PPP4R4: variants seen among roughly 807,000 people sequenced by gnomAD.
PPP4R4 encodes protein phosphatase 4 regulatory subunit 4.
Under a neutral mutation model 121.8 loss-of-function variants are expected in PPP4R4, and 70 were observed. The ratio of observed to expected loss-of-function variants is 0.57; its 90% CI spans 0.47 to 0.70. The LOEUF is 0.70. Ranked by LOEUF, PPP4R4 falls within the 30% of genes least tolerant of loss-of-function variation. The pLI is 0.00. For synonymous variants in PPP4R4, 348 were observed against 355.7 expected, an observed-to-expected ratio of 0.98 and a Z score of 0.24; for missense variants, 875 against 1,033.6, an observed-to-expected ratio of 0.85 and a Z score of 2.10.
chr14:94,269,054 A>T lies in PPP4R4; in HGVS notation c.2449+2025A>T, dbSNP rs560680180. ...AAAAAGGTGCTTATTATTGTTATTC[A>T]TTACTTAAAATAGAAACTGAAAATA... is the stretch of plus-strand genomic sequence containing the variant. On this transcript the variant is annotated intron_variant, in intron 23 of 24. Coordinates refer to ENST00000304338, the MANE Select transcript of PPP4R4 (RefSeq NM_058237.2). Among the ~76,000 whole-genome samples the T allele has an allele frequency of 8.5e-5, 13 of 152,320 alleles. No homozygotes were observed. In the East Asian group the frequency reaches 2.1e-3, roughly 25 times the overall value.
intron 12 of PPP4R4, 90 bp from the exon 13 acceptor site, chr14:94,245,497 C>A (rs1478260741): frequency 2.4e-5 from 14 of 577,804 alleles, no homozygotes; most frequent in South Asian, 1.0e-4. Context: ...AAAAAAAAAA[C>A]CACTACTACT....
At chr14:94,237,482 A>G (rs181670323) in intron 7 of PPP4R4, 83 bp from the exon 8 acceptor site, 4 of 1,321,346 alleles carry the variant, frequency 3.0e-6, no homozygotes, top group Non-Finnish European at 2.1e-6. Flanking sequence ...TTCTGCAGCA[A>G]CTAGCCCAGT....
intron 2 of PPP4R4, 39 bp from the exon 3 acceptor site, chr14:94,208,425 T>C (rs1306241583): frequency 6.8e-7 from 1 of 1,465,840 alleles, no homozygotes; most frequent in East Asian, 2.3e-5. Flanking sequence ...GGAATTCAGC[T>C]TATAATTATA....
At position 94,266,824 on chromosome 14, in the gene PPP4R4, G is replaced by C. The variant is rs989590004; in HGVS notation, c.2379-135G>C. 6.5e-6 allele frequency: 4 copies of C among 613,768 alleles called. No individual in the cohort carries two copies. The African/African-American group carries it at 7.7e-5, about 12-fold the overall frequency. 38.0% of individuals were successfully genotyped at this position (613,768 alleles called of 1,614,324 possible). On this transcript the variant is annotated intron_variant, in intron 22 of 24. Coordinates refer to ENST00000304338, the MANE Select transcript of PPP4R4 (RefSeq NM_058237.2). ...TGTGAGGCATGAATATAAAAAAAAT[G>C]AGAAATAAAAGCAACAAACGTTTCA...
At position 94,174,331 on chromosome 14, in the gene PPP4R4, G is replaced by T; in HGVS notation, c.-135G>T. On this transcript the variant is annotated 5_prime_UTR_variant, in exon 1 of 25. Coordinates refer to ENST00000304338, the MANE Select transcript of PPP4R4 (RefSeq NM_058237.2). ...CTCGCCGGGCCGTGCTCTTGCTCCC[G>T]CCGCCTGGCAGCCTCACGCTCGGCT... The T allele has an allele frequency of 5.2e-6, 4 of 767,014 alleles. No homozygotes were observed. The highest frequency in any genetic ancestry group is 1.8e-5 in the African/African-American group (1 of 54,200). 47.5% of individuals were successfully genotyped at this position (767,014 alleles called of 1,614,324 possible).
At chr14:94,193,884 G>A (rs572508107) in intron 2 of PPP4R4, among the ~76,000 whole-genome samples, 14 of 152,286 alleles carry the variant, frequency 9.2e-5, no homozygotes, top group African/African-American at 3.4e-4. Context: ...CCTTTACCGT[G>A]TGCTGCTTTG....
intron 2 of PPP4R4, among the ~76,000 whole-genome samples, chr14:94,194,568 G>A (rs1889768560): frequency 6.6e-6 from 1 of 152,090 alleles, no homozygotes; most frequent in South Asian, 2.1e-4. Flanking sequence ...ATTTTTTTGG[G>A]TTTCTTCTAG....
At chr14:94,203,130 C>T (rs1890281245) in intron 2 of PPP4R4, among the ~76,000 whole-genome samples, 1 of 152,164 alleles carries the variant, frequency 6.6e-6, no homozygotes, top group African/African-American at 2.4e-5. Context: ...AATCAGGATA[C>T]ATAAGATTTC....
intron 23 of PPP4R4, among the ~76,000 whole-genome samples, chr14:94,269,537 C>T (rs1182054439): frequency 6.6e-6 from 1 of 151,546 alleles, no homozygotes; most frequent in Non-Finnish European, 1.5e-5. Flanking sequence ...AAAATTTAGT[C>T]GGGCGTGGCG....
chr14:94,256,143 C>T (rs1397319043), intron 16 of PPP4R4, among the ~76,000 whole-genome samples: 2 of 152,186 alleles, frequency 1.3e-5, no homozygotes, highest in African/African-American at 4.8e-5. Context: ...GCCCCTGGTA[C>T]TCCCTTGTCT....
rs774479765 is a variant in PPP4R4, at chr14:94,275,441, G to C, written c.2517G>C (p.Pro839=). The change falls in exon 24 of 25, where the codon CCG becomes CCC. Residue 839 remains proline, a synonymous_variant. Coordinates refer to ENST00000304338, the MANE Select transcript of PPP4R4 (RefSeq NM_058237.2). ...CCTTTTCTCCTAATACTCCCTTACC[G>C]AGTACTTCCCGTGGGACAGGTAACT... The part of the protein sequence containing the change: ...PSSFSPNTPL[P]STSRGTGNSV... 3.1e-6 allele frequency: 5 copies of C among 1,613,790 alleles called. No individual in the cohort carries two copies. The highest frequency in any genetic ancestry group is 4.2e-6 in the Non-Finnish European group (5 of 1,179,894).
chr14:94,186,231 T>C (rs966016902), intron 2 of PPP4R4, among the ~76,000 whole-genome samples: 12 of 152,218 alleles, frequency 7.9e-5, no homozygotes, highest in Admixed American at 2.0e-4. Context: ...TCCCAAACAC[T>C]ACTTGTGTGC....
intron 16 of PPP4R4, among the ~76,000 whole-genome samples, chr14:94,255,742 T>C (rs1893437161): frequency 1.3e-5 from 2 of 152,250 alleles, no homozygotes; most frequent in African/African-American, 4.8e-5. Flanking sequence ...TGTTCTTGAC[T>C]AGCTGCAGTC....
At chr14:94,241,642 T>C in intron 9 of PPP4R4, 146 bp from the exon 10 acceptor site, 4 of 624,480 alleles carry the variant, frequency 6.4e-6, no homozygotes, top group Non-Finnish European at 8.0e-6. Context: ...ACAGATACTC[T>C]TTTCATGTTC....
intron 9 of PPP4R4, among the ~76,000 whole-genome samples, 161 bp downstream of exon 9, chr14:94,240,956 C>T (rs1359032314): frequency 6.6e-6 from 1 of 151,952 alleles, no homozygotes; most frequent in East Asian, 1.9e-4. Context: ...ATTTAGAGCA[C>T]ATTTAGGAAT....
chr14:94,176,424 G>C (rs185924492), intron 2 of PPP4R4, among the ~76,000 whole-genome samples: 3 of 152,248 alleles, frequency 2.0e-5, no homozygotes, highest in Admixed American at 2.0e-4. Context: ...TCTCGCGTAA[G>C]ATTCAGTAAG....
chr14:94,192,783 T>A (rs1040507923), intron 2 of PPP4R4, among the ~76,000 whole-genome samples: 7 of 152,174 alleles, frequency 4.6e-5, no homozygotes, highest in African/African-American at 1.7e-4. Context: ...GTCTAAGTGG[T>A]TTAGGATTAA....
Position 94,240,724 on chromosome 14 carries a change from C to T in PPP4R4, c.905C>T (p.Ser302Phe). 1 of 1,607,098 alleles carries T rather than the reference C, an allele frequency of 6.2e-7. No homozygotes were observed. The highest frequency in any genetic ancestry group is 1.1e-5 in the South Asian group (1 of 89,960). Reference protein sequence around the residue: ...LPLVKSFCEKSFKADESILIS... With the variant: ...LPLVKSFCEKFFKADESILIS... ...TTAGTGAAATCATTTTGTGAAAAAT[C>T]TTTCAAAGCAGATGAATCAATTCTT... is the stretch of plus-strand genomic sequence containing the variant. The change falls in exon 9 of 25, where the codon TCT becomes TTT. Residue 302 changes from serine (S) to phenylalanine (F), a missense_variant. Transcript: ENST00000304338.
chr14:94,202,396 TAAAC>T (rs899563990), intron 2 of PPP4R4, among the ~76,000 whole-genome samples: 3 of 152,206 alleles, frequency 2.0e-5, no homozygotes, highest in Non-Finnish European at 4.4e-5. Flanking sequence ...AAGATATAAA[TAAAC>T]AAAGATAAAT....
Sources: allele counts gnomAD v4.1 joint callset (sites outside exome capture counted in the v4.1 genomes callset), GRCh38; gene constraint gnomAD v4.1.1; transcripts MANE v1.5; gene names NCBI Gene and HGNC (gene_info 2026-07-23, HGNC 2026-07-21).